The following LPAR1 variants were observed in gnomAD, a reference collection of about 807,000 sequenced individuals.
LPAR1 encodes lysophosphatidic acid receptor 1, also known as LPA receptor 1.
A neutral mutation model predicts 23.8 loss-of-function variants in LPAR1; 5 were observed. The ratio of observed to expected loss-of-function variants is 0.21; its 90% CI spans 0.11 to 0.44. LPAR1 has a LOEUF of 0.44. Among genes scored for constraint, LPAR1 ranks in the 20% least tolerant of loss-of-function variants. The pLI is 0.99. For missense variants in LPAR1, 311 were observed against 482.8 expected (o/e 0.64, Z 3.33); for synonymous variants, 160 against 164.7 (o/e 0.97, Z 0.22).
chr9:110,910,455 G>A (rs1340669329), intron 5 of LPAR1, among the ~76,000 whole-genome samples: 2 of 152,158 alleles, frequency 1.3e-5, no homozygotes, highest in East Asian at 3.9e-4. Flanking sequence ...TAAGAGCTCT[G>A]ATGGACATGT....
intron 4 of LPAR1, among the ~76,000 whole-genome samples, chr9:110,968,723 T>G (rs557964990): frequency 5.9e-5 from 9 of 152,194 alleles, no homozygotes; most frequent in Non-Finnish European, 1.0e-4. Context: ...AAAACTTATT[T>G]CTCTTATTTA....
At chr9:110,883,445 T>A (rs2081416097) in intron 5 of LPAR1, among the ~76,000 whole-genome samples, 2 of 152,006 alleles carry the variant, frequency 1.3e-5, no homozygotes, top group South Asian at 4.2e-4. Flanking sequence ...AAAAATTTTT[T>A]AAAAAGGAAG....
chr9:110,879,091 C>T (rs2079943327), intron 5 of LPAR1, among the ~76,000 whole-genome samples: 1 of 152,020 alleles, frequency 6.6e-6, no homozygotes, highest in Non-Finnish European at 1.5e-5. Flanking sequence ...AACCCAGGCA[C>T]AACACCGATG....
At position 111,029,780 on chromosome 9, in the gene LPAR1, G is replaced by A. The variant is rs150017921; in HGVS notation, c.-182+6342C>T. Among the ~76,000 whole-genome samples, 121 of 151,990 alleles carry A rather than the reference G, an allele frequency of 8.0e-4. 1 individual carries two copies. Among genetic ancestry groups the A allele is most frequent in the Middle Eastern group, 3.4e-3 (1 of 294 alleles). The stretch of plus-strand genomic sequence containing the variant: ...TTTTAGTGTCCTCAGGCCAGGCACG[G>A]TGGCTTGGGCCTGTAAACCCAGCAC... On this transcript the variant is annotated intron_variant, in intron 2 of 5. Coordinates refer to ENST00000683809, the MANE Select transcript of LPAR1 (RefSeq NM_001351411.2).
intron 5 of LPAR1, among the ~76,000 whole-genome samples, chr9:110,877,169 A>G (rs1219668048): frequency 6.6e-6 from 1 of 152,232 alleles, no homozygotes; most frequent in Non-Finnish European, 1.5e-5. Flanking sequence ...CAAAATGTAA[A>G]CAAATGAGAT....
chr9:110,913,501 T>TTA lies in LPAR1; in HGVS notation c.793+27918_793+27919dup, dbSNP rs58592740. ...TTGCAAAAGTATTGATGAAAGGTATTTATATATATATGTATATGTACACAC... is the reference window on the plus strand; with the variant it reads ...TTGCAAAAGTATTGATGAAAGGTATTTATATATATATATGTATATGTACACAC... On this transcript the variant is annotated intron_variant, in intron 5 of 5. Coordinates refer to ENST00000683809, the MANE Select transcript of LPAR1 (RefSeq NM_001351411.2). Among the ~76,000 whole-genome samples the TTA allele has an allele frequency of 6.0e-5, 9 of 150,722 alleles. No homozygotes were observed. In the East Asian group the frequency reaches 1.2e-3, roughly 19 times the overall value.
intron 5 of LPAR1, among the ~76,000 whole-genome samples, chr9:110,898,906 G>A (rs1052565708): frequency 2.0e-5 from 3 of 151,968 alleles, no homozygotes; most frequent in Admixed American, 6.6e-5. Context: ...CACTGCATTC[G>A]TGCAAAGAAA....
chr9:110,930,260 T>C (rs556598834), intron 5 of LPAR1, among the ~76,000 whole-genome samples: 225 of 152,314 alleles, frequency 1.5e-3, no homozygotes, highest in African/African-American at 5.4e-3. Flanking sequence ...CTCACGCCTG[T>C]AATCCAGCAC....
intron 2 of LPAR1, among the ~76,000 whole-genome samples, chr9:110,987,534 A>G (rs1393387307): frequency 6.6e-6 from 1 of 151,778 alleles, no homozygotes; most frequent in African/African-American, 2.4e-5. Context: ...CCAGTCACCC[A>G]TTCAGCTGGC....
intron 4 of LPAR1, among the ~76,000 whole-genome samples, chr9:110,970,959 A>G (rs1183787587): frequency 6.6e-6 from 1 of 152,108 alleles, no homozygotes. Context: ...AACATGGTGA[A>G]ACCCCATCTC....
chr9:110,875,873 C>A, intron 5 of LPAR1, 151 bp from the exon 6 acceptor site: 2 of 461,804 alleles, frequency 4.3e-6, no homozygotes, highest in Non-Finnish European at 7.4e-6. Flanking sequence ...ATACTCATTT[C>A]CTGAGAAAAT....
chr9:111,037,704 T>A (rs2097918963), intron 1 of LPAR1: 1 of 151,826 alleles, frequency 6.6e-6, no homozygotes, highest in African/African-American at 2.4e-5. Context: ...CAGGGACCCC[T>A]CGGAGGTGCA....
chr9:110,936,422 T>C (rs1199474199), intron 5 of LPAR1, among the ~76,000 whole-genome samples: 1 of 152,206 alleles, frequency 6.6e-6, no homozygotes, highest in Admixed American at 6.5e-5. Context: ...CAGTGTCCTG[T>C]GGCCAAAAGG....
At chr9:111,001,869 T>C (rs1196539182) in intron 2 of LPAR1, among the ~76,000 whole-genome samples, 1 of 152,180 alleles carries the variant, frequency 6.6e-6, no homozygotes, top group Non-Finnish European at 1.5e-5. Flanking sequence ...GCAGACAGAT[T>C]AAAAGCTCAA....
chr9:111,005,812 T>G (rs1170979450), intron 2 of LPAR1, among the ~76,000 whole-genome samples: 1 of 152,148 alleles, frequency 6.6e-6, no homozygotes, highest in Non-Finnish European at 1.5e-5. Flanking sequence ...TCTTTCAATC[T>G]TCCAATGTCC....
At chr9:110,978,266 C>A (rs1303162311) in intron 2 of LPAR1, among the ~76,000 whole-genome samples, 1 of 151,968 alleles carries the variant, frequency 6.6e-6, no homozygotes, top group Non-Finnish European at 1.5e-5. Context: ...TAAAAGCAAC[C>A]AATGAAGCAG....
At chr9:110,912,268 G>A (rs1449745760) in intron 5 of LPAR1, among the ~76,000 whole-genome samples, 1 of 152,188 alleles carries the variant, frequency 6.6e-6, no homozygotes, top group Non-Finnish European at 1.5e-5. Flanking sequence ...GTGACTAGAA[G>A]TACTTCACAT....
At chr9:111,023,053 CAAAAAAAAAAAA>C (rs35394780) in intron 2 of LPAR1, among the ~76,000 whole-genome samples, 52 of 56,702 alleles carry the variant, frequency 9.2e-4, no homozygotes, top group African/African-American at 3.5e-3. Context: ...TCCGTCTCAA[CAAAAAAAAAAAA>C]AAAAAAAAAA....
chr9:110,965,744 C>A (rs904403755), intron 4 of LPAR1, among the ~76,000 whole-genome samples: 2 of 152,178 alleles, frequency 1.3e-5, no homozygotes, highest in African/African-American at 4.8e-5. Context: ...ACCAGAAATA[C>A]CATCTGACCC....
Sources: allele counts gnomAD v4.1 joint callset (sites outside exome capture counted in the v4.1 genomes callset), GRCh38; gene constraint gnomAD v4.1.1; transcripts MANE v1.5; gene names NCBI Gene and HGNC (gene_info 2026-07-23, HGNC 2026-07-21).